SIK3: variants seen among roughly 807,000 people sequenced by gnomAD.
SIK3 encodes the protein SIK family kinase 3.
A neutral mutation model predicts 144.2 loss-of-function variants in SIK3; 28 were observed. That is an observed-to-expected ratio of 0.19 (90% confidence interval 0.14 to 0.27). The LOEUF is 0.27. SIK3 is among the 10% of genes least tolerant of loss of function. The pLI is 1.00. For synonymous variants in SIK3, 686 were observed against 676.3 expected, an observed-to-expected ratio of 1.01 and a Z score of -0.22; for missense variants, 1,319 against 1,776.0, an observed-to-expected ratio of 0.74 and a Z score of 4.62.
At chr11:116,990,176 T>C (rs1316996229) in intron 1 of SIK3, among the ~76,000 whole-genome samples, 4 of 152,188 alleles carry the variant, frequency 2.6e-5, no homozygotes, top group African/African-American at 9.6e-5. Flanking sequence ...CAGCAATACA[T>C]GTACTTACCA....
Position 116,982,920 on chromosome 11 carries a change from G to T in SIK3, c.274-25856C>A, listed in dbSNP as rs1387732076. The stretch of plus-strand genomic sequence containing the variant: ...GATCACACCACTGCACTCCAGCCTG[G>T]GTGACGGTACGAGACTCCGTCTCAA... On this transcript the variant is annotated intron_variant, in intron 1 of 24. Transcript: ENST00000445177. 4.3e-5 allele frequency among the ~76,000 whole-genome samples: 6 copies of T among 138,144 alleles called. No homozygotes were observed. In the East Asian group the frequency reaches 1.0e-3, roughly 24 times the overall value. The allele number at this position is 138,144 out of a possible 152,430, so 90.6% of individuals were successfully genotyped here.
chr11:116,922,455 C>A (rs1430583594), intron 4 of SIK3, among the ~76,000 whole-genome samples: 1 of 152,088 alleles, frequency 6.6e-6, no homozygotes, highest in Admixed American at 6.5e-5. Context: ...TATGCCACTG[C>A]AGCCTGGTCA....
chr11:117,016,382 G>A (rs1288206347), intron 1 of SIK3, among the ~76,000 whole-genome samples: 2 of 62,786 alleles, frequency 3.2e-5, no homozygotes, highest in African/African-American at 1.4e-4. Flanking sequence ...GAGGGAGGGA[G>A]AGAGGGAGGG....
intron 1 of SIK3, among the ~76,000 whole-genome samples, chr11:116,998,045 G>T (rs1317738390): frequency 6.6e-6 from 1 of 151,828 alleles, no homozygotes; most frequent in African/African-American, 2.4e-5. Context: ...ATAAAGACAG[G>T]GTCTTGCTAT....
At chr11:117,003,175 G>A (rs374741542) in intron 1 of SIK3, among the ~76,000 whole-genome samples, 6 of 152,154 alleles carry the variant, frequency 3.9e-5, no homozygotes, top group South Asian at 2.1e-4. Flanking sequence ...CTCTTGCAAC[G>A]AATGATAAGA....
At chr11:116,961,304 A>T (rs777945239) in intron 1 of SIK3, among the ~76,000 whole-genome samples, 2 of 152,242 alleles carry the variant, frequency 1.3e-5, no homozygotes, top group Non-Finnish European at 2.9e-5. Flanking sequence ...CTCCTACCTT[A>T]GCTGCAAACT....
chr11:116,888,558 T>A (rs866302476), intron 6 of SIK3, among the ~76,000 whole-genome samples: 12 of 152,344 alleles, frequency 7.9e-5, no homozygotes, highest in South Asian at 4.1e-4. Flanking sequence ...CCTTTTGAAG[T>A]ATTCTCTAAT....
chr11:117,065,512 G>A (rs559046085), intron 1 of SIK3, among the ~76,000 whole-genome samples: 19 of 151,928 alleles, frequency 1.3e-4, no homozygotes, highest in African/African-American at 4.1e-4. Flanking sequence ...TTCATTTGAG[G>A]GCATGGAAAC....
chr11:116,844,332 G>A lies in SIK3; in HGVS notation c.*1311C>T, dbSNP rs2134244708. 1 of 152,116 alleles carries A rather than the reference G, an allele frequency of 6.6e-6. No homozygotes were observed. The highest frequency in any genetic ancestry group is 1.9e-4 in the East Asian group (1 of 5,180). 9.4% of individuals were successfully genotyped at this position (152,116 alleles called of 1,614,324 possible). A position where few individuals can be genotyped will look rare whatever the true frequency, so the allele number is the denominator to read the frequency against. ...GAAATACTTTGAACAAAAGGTGCAAGTCACAATTCAAATAGAACAGAATCT... is the reference window on the plus strand; with the variant it reads ...GAAATACTTTGAACAAAAGGTGCAAATCACAATTCAAATAGAACAGAATCT... On this transcript the variant is annotated 3_prime_UTR_variant, in exon 25 of 25. Transcript: ENST00000445177.
chr11:117,069,798 C>A (rs1397616239), intron 1 of SIK3, among the ~76,000 whole-genome samples: 1 of 152,150 alleles, frequency 6.6e-6, no homozygotes, highest in Non-Finnish European at 1.5e-5. Context: ...AATCACACAG[C>A]CTCCCTCCTT....
intron 3 of SIK3, among the ~76,000 whole-genome samples, chr11:116,940,237 T>TG (rs930302686): frequency 1.3e-5 from 2 of 151,044 alleles, no homozygotes; most frequent in African/African-American, 4.9e-5. Flanking sequence ...TTTTGTTTTT[T>TG]TTTTTTTTTT....
rs1468393894 is a variant in SIK3, at chr11:116,844,618, AATATATATATAATATATTATAT to A, written c.*1003_*1024del. 67 of 40,758 alleles carry A rather than the reference AATATATATATAATATATTATAT, an allele frequency of 1.6e-3. 1 individual carries two copies. Among genetic ancestry groups the A allele is most frequent in the African/African-American group, 0.013 (61 of 4,768 alleles). 2.5% of individuals were successfully genotyped at this position (40,758 alleles called of 1,614,324 possible). A position where few individuals can be genotyped will look rare whatever the true frequency, so the allele number is the denominator to read the frequency against. ...TATTTTATATATATATTATATATATAATATATATATAATATATTATATTATATATTATATATATAATATATAT... is the reference window on the plus strand; with the variant it reads ...TATTTTATATATATATTATATATATATATATATTATATATATAATATATAT... On this transcript the variant is annotated 3_prime_UTR_variant, in exon 25 of 25. Transcript: ENST00000445177.
intron 9 of SIK3, 56 bp downstream of exon 9, chr11:116,875,809 AC>A: frequency 6.5e-7 from 1 of 1,538,676 alleles, no homozygotes; most frequent in Non-Finnish European, 8.7e-7. Flanking sequence ...GCAACAGCTA[AC>A]CTTTACCCCC....
At chr11:116,933,454 T>C (rs1302735894) in intron 3 of SIK3, among the ~76,000 whole-genome samples, 2 of 152,208 alleles carry the variant, frequency 1.3e-5, no homozygotes, top group East Asian at 3.8e-4. Flanking sequence ...TGCTCCTTTT[T>C]ACTGCTGAGT....
chr11:116,959,247 C>T (rs1325269708), intron 1 of SIK3, among the ~76,000 whole-genome samples: 1 of 151,996 alleles, frequency 6.6e-6, no homozygotes, highest in African/African-American at 2.4e-5. Flanking sequence ...GGTGGAAGGA[C>T]AGTTTGATCC....
chr11:116,876,056 A>C (rs761530561), intron 8 of SIK3, 47 bp from the exon 9 acceptor site: 1 of 1,608,994 alleles, frequency 6.2e-7, no homozygotes, highest in Non-Finnish European at 8.5e-7. Flanking sequence ...GTGAAATGGC[A>C]TGTTGATGAC....
At chr11:116,978,422 T>G (rs1950028568) in intron 1 of SIK3, among the ~76,000 whole-genome samples, 1 of 152,170 alleles carries the variant, frequency 6.6e-6, no homozygotes, top group South Asian at 2.1e-4. Flanking sequence ...CATTTGCTTT[T>G]CTTTATAATC....
At chr11:116,959,258 C>T (rs552803479) in intron 1 of SIK3, among the ~76,000 whole-genome samples, 2 of 152,044 alleles carry the variant, frequency 1.3e-5, no homozygotes, top group South Asian at 2.1e-4. Context: ...AGTTTGATCC[C>T]GGGAGCTGAA....
At chr11:116,937,103 T>A (rs1947959239) in intron 3 of SIK3, among the ~76,000 whole-genome samples, 1 of 152,224 alleles carries the variant, frequency 6.6e-6, no homozygotes, top group Non-Finnish European at 1.5e-5. Flanking sequence ...ATTTCTTATC[T>A]TGTGTGTCTT....
Sources: gnomAD v4.1 joint callset for allele counts (sites outside exome capture counted in the v4.1 genomes callset) on GRCh38, gnomAD v4.1.1 for gene constraint, MANE v1.5 for transcripts, NCBI Gene and HGNC (gene_info 2026-07-23, HGNC 2026-07-21) for gene names.